Variants in LRBA observed in about 807,000 individuals in gnomAD.
LRBA encodes the protein LPS responsive beige-like anchor protein.
A neutral mutation model predicts 330.0 loss-of-function variants in LRBA; 176 were observed. That is an observed-to-expected ratio of 0.53 (90% CI 0.47 to 0.60). The LOEUF (loss-of-function observed/expected upper bound fraction) is 0.60. LRBA is among the 20% of genes least tolerant of loss of function. LRBA has a pLI of 0.00. For synonymous variants in LRBA, 1,230 were observed against 1,193.0 expected, an observed-to-expected ratio of 1.03 and a Z score of -0.64; for missense variants, 3,259 against 3,444.8, an observed-to-expected ratio of 0.95 and a Z score of 1.35.
intron 56 of LRBA, among the ~76,000 whole-genome samples, chr4:150,271,313 G>GA (rs1553986157): frequency 6.9e-6 from 1 of 144,222 alleles, no homozygotes; most frequent in Non-Finnish European, 1.5e-5. Flanking sequence ...AGCTGCAGGA[G>GA]TTTTTTTTTT....
intron 48 of LRBA, among the ~76,000 whole-genome samples, chr4:150,335,461 A>ATG (rs202061412): frequency 1.1e-4 from 16 of 140,760 alleles, no homozygotes; most frequent in Admixed American, 8.7e-4. Context: ...ATGTGTATAT[A>ATG]TGTGTATATA....
intron 36 of LRBA, among the ~76,000 whole-genome samples, chr4:150,709,638 G>A (rs1253027340): frequency 1.3e-5 from 2 of 151,854 alleles, no homozygotes; most frequent in South Asian, 2.1e-4. Flanking sequence ...CTATGTATAG[G>A]CAATGTACAA....
chr4:150,554,895 T>A (rs1421823800), intron 40 of LRBA, among the ~76,000 whole-genome samples: 2 of 152,114 alleles, frequency 1.3e-5, no homozygotes, highest in Non-Finnish European at 2.9e-5. Flanking sequence ...TACATTAAAC[T>A]CAGTGTTTAA....
chr4:150,886,596 T>C (rs897820898), intron 17 of LRBA, among the ~76,000 whole-genome samples: 17 of 151,800 alleles, frequency 1.1e-4, no homozygotes, highest in African/African-American at 3.9e-4. Flanking sequence ...AACCAAAGAA[T>C]GAAAGAAAAC....
rs571282423 is a variant in LRBA at position 150,977,563 on chromosome 4, G to A, written c.216+36864C>T. 1.7e-3 allele frequency among the ~76,000 whole-genome samples: 257 copies of A among 152,180 alleles called. 2 individuals are homozygous for A. The highest frequency in any genetic ancestry group is 6.1e-3 in the African/African-American group (252 of 41,508). On this transcript the variant is annotated intron_variant, in intron 2 of 56. Coordinates refer to ENST00000651943, the MANE Select transcript of LRBA (RefSeq NM_001364905.1). ...ACGTGCCGGCTTCAGGAATCACCTCGGACACAGTGGTGTAAAGCACCAAAA... is the reference window on the plus strand; with the variant it reads ...ACGTGCCGGCTTCAGGAATCACCTCAGACACAGTGGTGTAAAGCACCAAAA...
At chr4:150,687,524 A>C (rs1021268397) in intron 36 of LRBA, among the ~76,000 whole-genome samples, 3 of 152,110 alleles carry the variant, frequency 2.0e-5, no homozygotes, top group African/African-American at 7.2e-5. Context: ...TGGCCACAAA[A>C]TATTTGACTA....
At chr4:150,726,722 C>G (rs2127104962) in intron 36 of LRBA, among the ~76,000 whole-genome samples, 1 of 152,230 alleles carries the variant, frequency 6.6e-6, no homozygotes, top group East Asian at 1.9e-4. Flanking sequence ...ATGGAAGAAA[C>G]TGCCCCCCAG....
chr4:150,802,798 G>T (rs2126691678), intron 33 of LRBA, among the ~76,000 whole-genome samples: 1 of 152,016 alleles, frequency 6.6e-6, no homozygotes, highest in Middle Eastern at 3.4e-3. Context: ...CAAGGCCGGA[G>T]GACTGCTCGG....
At chr4:150,916,969 C>T (rs982245501) in intron 5 of LRBA, among the ~76,000 whole-genome samples, 5 of 151,962 alleles carry the variant, frequency 3.3e-5, no homozygotes, top group Admixed American at 1.3e-4. Context: ...CTGGCTAACA[C>T]GGTGAAACCC....
chr4:150,707,593 T>C (rs1366876221), intron 36 of LRBA, among the ~76,000 whole-genome samples: 3 of 151,576 alleles, frequency 2.0e-5, no homozygotes, highest in Admixed American at 6.6e-5. Flanking sequence ...AGTAATGATA[T>C]TGAAAACAAC....
At chr4:150,921,410 A>G (rs1680030851) in intron 4 of LRBA, 117 bp from the exon 5 acceptor site, 2 of 643,162 alleles carry the variant, frequency 3.1e-6, no homozygotes. Flanking sequence ...GGTTAAAAGC[A>G]TAGAAAATAA....
chr4:150,378,288 C>T (rs1373732835), intron 47 of LRBA, among the ~76,000 whole-genome samples: 2 of 152,140 alleles, frequency 1.3e-5, no homozygotes, highest in African/African-American at 2.4e-5. Flanking sequence ...TCATTTACTG[C>T]TGTCTGCTGA....
chr4:150,763,682 G>C (rs952573663), intron 34 of LRBA, among the ~76,000 whole-genome samples: 9 of 151,650 alleles, frequency 5.9e-5, no homozygotes, highest in Admixed American at 2.0e-4. Flanking sequence ...TTTTGGTACA[G>C]AGGGTCCCAC....
At chr4:150,480,292 T>G (rs1454498433) in intron 42 of LRBA, among the ~76,000 whole-genome samples, 1 of 152,116 alleles carries the variant, frequency 6.6e-6, no homozygotes, top group African/African-American at 2.4e-5. Context: ...CTCAGAGACT[T>G]ATTAGGTTAC....
chr4:150,606,617 A>G (rs1774660096), intron 37 of LRBA, among the ~76,000 whole-genome samples: 1 of 152,206 alleles, frequency 6.6e-6, no homozygotes. Flanking sequence ...GCCAAGCCTC[A>G]ACAACCCTGC....
intron 22 of LRBA, among the ~76,000 whole-genome samples, chr4:150,857,550 T>C (rs1273696927): frequency 1.3e-5 from 2 of 152,136 alleles, no homozygotes; most frequent in African/African-American, 2.4e-5. Context: ...TTTAGCAATA[T>C]CTACTAAAAA....
At chr4:150,570,571 T>C (rs768171502) in intron 40 of LRBA, among the ~76,000 whole-genome samples, 1 of 152,128 alleles carries the variant, frequency 6.6e-6, no homozygotes, top group Non-Finnish European at 1.5e-5. Context: ...AAGCAATATA[T>C]TTAAGATTAC....
At chr4:150,639,360 T>TAAA (rs371245495) in intron 37 of LRBA, among the ~76,000 whole-genome samples, 63 of 106,712 alleles carry the variant, frequency 5.9e-4, no homozygotes, top group East Asian at 1.4e-3. Context: ...TAAAGTATAA[T>TAAA]AAAAAAAAAA....
intron 38 of LRBA, among the ~76,000 whole-genome samples, 172 bp from the exon 39 acceptor site, chr4:150,591,031 C>T (rs1032224568): frequency 6.6e-6 from 1 of 152,084 alleles, no homozygotes; most frequent in Admixed American, 6.5e-5. Flanking sequence ...CTGACAAACT[C>T]GATCCCCCAA....
Sources: gnomAD v4.1 joint callset for allele counts (sites outside exome capture counted in the v4.1 genomes callset) on GRCh38, gnomAD v4.1.1 for gene constraint, MANE v1.5 for transcripts, NCBI Gene and HGNC (gene_info 2026-07-23, HGNC 2026-07-21) for gene names.